KCNMB4: variants seen among roughly 807,000 people sequenced by gnomAD.
KCNMB4 encodes the protein potassium calcium-activated channel subfamily M regulatory beta subunit 4, also known as calcium-activated potassium channel subunit beta-4.
A neutral mutation model predicts 20.7 loss-of-function variants in KCNMB4; 3 were observed. The ratio of observed to expected loss-of-function variants is 0.14; its 90% CI spans 0.07 to 0.37. The LOEUF (loss-of-function observed/expected upper bound fraction) is 0.37, where lower values mean the gene tolerates loss of function less well. Among genes scored for constraint, KCNMB4 ranks in the 10% least tolerant of loss-of-function variants. The pLI, the probability that KCNMB4 is intolerant of heterozygous loss-of-function variation, is 1.00. For missense variants in KCNMB4, 168 were observed against 265.9 expected (o/e 0.63, Z 2.56); for synonymous variants, 110 against 113.4 (o/e 0.97, Z 0.19).
rs1216870893 is a variant in KCNMB4, at chr12:70,366,410, G to C, written c.-325G>C. ...GGTGGGGGAGGCGGGGAGAGTGCGG[G>C]GGCGGAGGCTGGCAGGGGGCGCTGG... On this transcript the variant is annotated 5_prime_UTR_variant, in exon 1 of 3. Transcript: ENST00000258111. The C allele has an allele frequency of 2.0e-5, 3 of 152,236 alleles. No individual in the cohort carries two copies. Among genetic ancestry groups the C allele is most frequent in the Non-Finnish European group, 2.9e-5 (2 of 68,244 alleles). 9.4% of individuals were successfully genotyped at this position (152,236 alleles called of 1,614,324 possible).
At chr12:70,402,177 C>T (rs538000620) in intron 2 of KCNMB4, among the ~76,000 whole-genome samples, 1 of 152,154 alleles carries the variant, frequency 6.6e-6, no homozygotes, top group South Asian at 2.1e-4. Flanking sequence ...GCTTTTCCTG[C>T]TTCTTGGCGG....
At chr12:70,370,475 T>G (rs929393996) in intron 1 of KCNMB4, among the ~76,000 whole-genome samples, 4 of 151,812 alleles carry the variant, frequency 2.6e-5, no homozygotes, top group African/African-American at 9.7e-5. Flanking sequence ...GCCTGGCTAA[T>G]TTTTTCTATT....
chr12:70,390,535 T>G (rs933283731), intron 1 of KCNMB4, among the ~76,000 whole-genome samples: 4 of 152,158 alleles, frequency 2.6e-5, no homozygotes, highest in Non-Finnish European at 5.9e-5. Context: ...GCTCCATATA[T>G]CCGCTGATCT....
At chr12:70,430,249 C>T (rs1283004637) in intron 2 of KCNMB4, among the ~76,000 whole-genome samples, 1 of 152,072 alleles carries the variant, frequency 6.6e-6, no homozygotes, top group Non-Finnish European at 1.5e-5. Flanking sequence ...ACATTTTTGA[C>T]ACTTTGTAAC....
At chr12:70,426,123 A>G (rs551867751) in intron 2 of KCNMB4, among the ~76,000 whole-genome samples, 1 of 152,134 alleles carries the variant, frequency 6.6e-6, no homozygotes, top group African/African-American at 2.4e-5. Context: ...GTGAAACCCC[A>G]TCTCTACTAA....
chr12:70,424,975 C>T (rs1231129150), intron 2 of KCNMB4, among the ~76,000 whole-genome samples: 1 of 152,206 alleles, frequency 6.6e-6, no homozygotes, highest in Non-Finnish European at 1.5e-5. Flanking sequence ...ATGCCAAAAC[C>T]AAATCCAACA....
At chr12:70,427,445 G>C (rs1869243536) in intron 2 of KCNMB4, among the ~76,000 whole-genome samples, 1 of 152,214 alleles carries the variant, frequency 6.6e-6, no homozygotes, top group Non-Finnish European at 1.5e-5. Context: ...GAGCACCTTA[G>C]AGCTGTAGGA....
At chr12:70,402,045 T>C (rs932869774) in intron 2 of KCNMB4, among the ~76,000 whole-genome samples, 1 of 152,190 alleles carries the variant, frequency 6.6e-6, no homozygotes, top group African/African-American at 2.4e-5. Context: ...CTTCTCAAGA[T>C]CTTGTCCCAG....
intron 2 of KCNMB4, among the ~76,000 whole-genome samples, chr12:70,427,315 C>G (rs1869240126): frequency 6.6e-6 from 1 of 152,104 alleles, no homozygotes; most frequent in Non-Finnish European, 1.5e-5. Context: ...TTTGAATGAG[C>G]TAGACTTTAA....
chr12:70,404,772 A>G (rs1210646328), intron 2 of KCNMB4, among the ~76,000 whole-genome samples: 1 of 152,240 alleles, frequency 6.6e-6, no homozygotes, highest in East Asian at 1.9e-4. Flanking sequence ...GCTGAATTTG[A>G]GAGATTCTTA....
chr12:70,368,513 G>A (rs866547331), intron 1 of KCNMB4, among the ~76,000 whole-genome samples: 1 of 151,996 alleles, frequency 6.6e-6, no homozygotes. Flanking sequence ...AGGTGATAAC[G>A]TCTCAAAGAC....
At chr12:70,371,423 T>TA (rs1431712421) in intron 1 of KCNMB4, among the ~76,000 whole-genome samples, 2 of 152,146 alleles carry the variant, frequency 1.3e-5, no homozygotes, top group African/African-American at 4.8e-5. Context: ...CAGTGCACTG[T>TA]AGGAGAGGCA....
At chr12:70,371,490 A>G (rs1883594904) in intron 1 of KCNMB4, among the ~76,000 whole-genome samples, 1 of 152,132 alleles carries the variant, frequency 6.6e-6, no homozygotes, top group South Asian at 2.1e-4. Flanking sequence ...AGTTTGATAC[A>G]TTTTGCGCTC....
intron 2 of KCNMB4, among the ~76,000 whole-genome samples, chr12:70,408,094 C>G (rs962946946): frequency 6.6e-6 from 1 of 152,166 alleles, no homozygotes; most frequent in Non-Finnish European, 1.5e-5. Flanking sequence ...ATCTCACTGT[C>G]CCATTCCCAA....
rs556187618 is a variant in KCNMB4 at position 70,379,025 on chromosome 12, T to C, written c.336+11955T>C. On this transcript the variant is annotated intron_variant, in intron 1 of 2. Coordinates refer to ENST00000258111, the MANE Select transcript of KCNMB4 (RefSeq NM_014505.6). ...GTATTTTGAAAGGAATCTTTTTTTC[T>C]GAACAGTAGGTCTCAACAGTGGGCT... Among the ~76,000 whole-genome samples, 5 of 152,338 alleles carry C rather than the reference T, an allele frequency of 3.3e-5. No individual in the cohort carries two copies. In the South Asian group the frequency reaches 1.0e-3, roughly 32 times the overall value.
intron 1 of KCNMB4, among the ~76,000 whole-genome samples, chr12:70,378,169 T>C (rs886520218): frequency 2.1e-4 from 32 of 152,134 alleles, no homozygotes; most frequent in Non-Finnish European, 2.9e-4. Flanking sequence ...TTGGTCAGGC[T>C]GGTCTCAAAC....
At chr12:70,424,600 A>G (rs1180120607) in intron 2 of KCNMB4, among the ~76,000 whole-genome samples, 1 of 152,074 alleles carries the variant, frequency 6.6e-6, no homozygotes, top group Non-Finnish European at 1.5e-5. Context: ...ACGTACAAAA[A>G]TTAGCCGGAT....
intron 1 of KCNMB4, among the ~76,000 whole-genome samples, chr12:70,379,801 G>A (rs1201567749): frequency 1.3e-5 from 2 of 152,144 alleles, no homozygotes. Flanking sequence ...CTCACTTCTG[G>A]CAGCCTTCAT....
chr12:70,396,762 T>A (rs1288708638), intron 1 of KCNMB4, among the ~76,000 whole-genome samples: 1 of 152,172 alleles, frequency 6.6e-6, no homozygotes, highest in Non-Finnish European at 1.5e-5. Context: ...TTATTTGTGG[T>A]CCTCCCCAAA....
Sources: gnomAD v4.1 joint callset for allele counts (sites outside exome capture counted in the v4.1 genomes callset) on GRCh38, gnomAD v4.1.1 for gene constraint, MANE v1.5 for transcripts, NCBI Gene and HGNC (gene_info 2026-07-23, HGNC 2026-07-21) for gene names.